FNBP1L: variants seen among roughly 807,000 people sequenced by gnomAD.
FNBP1L encodes the protein formin-binding protein 1-like.
A neutral mutation model predicts 91.2 loss-of-function variants in FNBP1L; 36 were observed. The ratio of observed to expected loss-of-function variants is 0.39; its 90% CI spans 0.30 to 0.52. FNBP1L has a LOEUF of 0.52. FNBP1L is among the 20% of genes least tolerant of loss of function. FNBP1L has a pLI of 0.66. For synonymous variants in FNBP1L, 242 were observed against 237.0 expected (o/e 1.02, Z -0.19); for missense variants, 571 against 732.1 (o/e 0.78, Z 2.54).
intron 5 of FNBP1L, among the ~76,000 whole-genome samples, chr1:93,526,647 G>C (rs1671504321): frequency 6.6e-6 from 1 of 152,142 alleles, no homozygotes. Context: ...GGCAGGCTCT[G>C]CTAAGCAAGA....
chr1:93,452,781 T>G (rs764553118), intron 1 of FNBP1L, among the ~76,000 whole-genome samples: 3 of 152,186 alleles, frequency 2.0e-5, no homozygotes, highest in African/African-American at 7.2e-5. Context: ...AAATTCATTA[T>G]TAATGTAAAC....
rs536400352 is a variant in FNBP1L at position 93,467,578 on chromosome 1, C to T, written c.24+19273C>T. Among the ~76,000 whole-genome samples, 121 of 152,200 alleles carry T rather than the reference C, an allele frequency of 8.0e-4. 1 individual carries two copies. The highest frequency in any genetic ancestry group is 1.1e-3 in the Non-Finnish European group (77 of 68,012). On this transcript the variant is annotated intron_variant, in intron 1 of 16. Transcript: ENST00000271234. ...ATGGTTGGTGGTGATGGTTGTACAA[C>T]AGTATGAATGTATCCCAGGACCACT...
At chr1:93,499,888 CCTCT>C (rs1670388593) in intron 2 of FNBP1L, among the ~76,000 whole-genome samples, 1 of 152,094 alleles carries the variant, frequency 6.6e-6, no homozygotes, top group African/African-American at 2.4e-5. Context: ...TACTTTTATT[CCTCT>C]CTAACTTTTT....
chr1:93,462,733 CTG>C (rs1668915713), intron 1 of FNBP1L, among the ~76,000 whole-genome samples: 1 of 152,070 alleles, frequency 6.6e-6, no homozygotes, highest in African/African-American at 2.4e-5. Context: ...TCAAGGGTGT[CTG>C]TTATCCACAG....
intron 11 of FNBP1L, 132 bp from the exon 12 acceptor site, chr1:93,543,975 T>TCCAAATCA: frequency 2.0e-6 from 1 of 507,352 alleles, no homozygotes; most frequent in East Asian, 3.4e-5. Context: ...TTCTTTTTTT[T>TCCAAATCA]TTAAGGGGTT....
In FNBP1L at chr1:93,448,180, C is replaced by A. The variant is rs1668332314; in HGVS notation, c.-102C>A. 6 of 1,454,998 alleles carry A rather than the reference C, an allele frequency of 4.1e-6. No individual in the cohort carries two copies. The highest frequency in any genetic ancestry group is 5.6e-6 in the Non-Finnish European group (6 of 1,080,890). 90.1% of individuals were successfully genotyped at this position (1,454,998 alleles called of 1,614,324 possible). A position where few individuals can be genotyped will look rare whatever the true frequency, so the allele number is the denominator to read the frequency against. ...GGCGGCACCTTTCGAGGTAGACCCG[C>A]TGAGCTGCTAGCCCGCCGGCCAGCG... On this transcript the variant is annotated 5_prime_UTR_variant, in exon 1 of 17. It adds an upstream start codon to the 5' untranslated region. Coordinates refer to ENST00000271234, the MANE Select transcript of FNBP1L (RefSeq NM_001164473.3).
intron 1 of FNBP1L, among the ~76,000 whole-genome samples, chr1:93,466,954 T>G (rs140580309): frequency 6.6e-6 from 1 of 152,264 alleles, no homozygotes; most frequent in East Asian, 1.9e-4. Flanking sequence ...CCTCCCAGAT[T>G]CAAGCTATTC....
At chr1:93,511,707 C>T (rs1342916734) in intron 2 of FNBP1L, among the ~76,000 whole-genome samples, 1 of 152,154 alleles carries the variant, frequency 6.6e-6, no homozygotes, top group Non-Finnish European at 1.5e-5. Flanking sequence ...TGGCTCACGC[C>T]TGTAATCCCA....
intron 11 of FNBP1L, among the ~76,000 whole-genome samples, chr1:93,542,443 G>GAAAAAAAAAAAA (rs61650755): frequency 1.2e-5 from 1 of 82,558 alleles, no homozygotes; most frequent in African/African-American, 4.6e-5. Flanking sequence ...ATTGGTAAAT[G>GAAAAAAAAAAAA]AAAAAAAAAA....
intron 2 of FNBP1L, among the ~76,000 whole-genome samples, chr1:93,518,369 A>C (rs1332988029): frequency 6.6e-6 from 1 of 152,198 alleles, no homozygotes; most frequent in Non-Finnish European, 1.5e-5. Flanking sequence ...CCACATCTGT[A>C]TACAAAACAA....
intron 2 of FNBP1L, among the ~76,000 whole-genome samples, chr1:93,503,037 A>G (rs1670488860): frequency 1.3e-5 from 2 of 152,258 alleles, no homozygotes; most frequent in Non-Finnish European, 2.9e-5. Flanking sequence ...GCTAGTGCAG[A>G]GGATAATTTC....
chr1:93,474,011 G>A (rs957697109), intron 1 of FNBP1L, among the ~76,000 whole-genome samples: 6 of 152,272 alleles, frequency 3.9e-5, no homozygotes, highest in Non-Finnish European at 5.9e-5. Flanking sequence ...TTGGGAGGCC[G>A]AGGCTGGTGG....
At position 93,549,393 on chromosome 1, in the gene FNBP1L, A is replaced by C. The variant is rs1390734786; in HGVS notation, c.1618A>C (p.Ile540Leu). The change falls in exon 15 of 17, where the codon ATT becomes CTT. Residue 540 changes from isoleucine (I) to leucine (L), a missense_variant. This residue lies in a region of FNBP1L where 189 missense variants were observed against 219.7 expected (regional missense o/e 0.86). Transcript: ENST00000271234. ...TGAGGATGATGATCCCTTGCCTGCT[A>C]TTGGACACTGCAAAGCTATCTACCC... is the stretch of plus-strand genomic sequence containing the variant. ...EFEDDDPLPA[I>L]GHCKAIYPFD... The C allele has an allele frequency of 6.2e-7, 1 of 1,609,754 alleles. No homozygotes were observed. The highest frequency in any genetic ancestry group is 1.1e-5 in the South Asian group (1 of 90,112).
chr1:93,471,214 A>G (rs979816465), intron 1 of FNBP1L, among the ~76,000 whole-genome samples: 3 of 152,218 alleles, frequency 2.0e-5, no homozygotes, highest in African/African-American at 7.2e-5. Context: ...CTAATCAGAA[A>G]TGTTCATTGG....
chr1:93,488,263 G>T (rs2101714741), intron 1 of FNBP1L: 1 of 152,030 alleles, frequency 6.6e-6, no homozygotes, highest in South Asian at 2.1e-4. Flanking sequence ...TGAGTTCGGG[G>T]TGTGTGTGTG....
chr1:93,510,541 A>C (rs534427187), intron 2 of FNBP1L, among the ~76,000 whole-genome samples: 602 of 152,326 alleles, frequency 4.0e-3, no homozygotes, highest in Non-Finnish European at 6.5e-3. Flanking sequence ...AACTCTAAAA[A>C]GCAGAGCGCC....
Position 93,459,941 on chromosome 1 carries a change from A to ATGTGTGTGTGTGTGTGTGTG in FNBP1L, c.24+11654_24+11673dup, listed in dbSNP as rs34705153. Reference sequence around the variant, plus strand: ...AGACCAGAAGTGTTTTGGATTTCAGATGTGTGTGTGTGTGTGTGTGTGTGT... The same window carrying ATGTGTGTGTGTGTGTGTGTG: ...AGACCAGAAGTGTTTTGGATTTCAGATGTGTGTGTGTGTGTGTGTGTGTGTGTGTGTGTGTGTGTGTGTGT... On this transcript the variant is annotated intron_variant, in intron 1 of 16. Transcript: ENST00000271234. 1.4e-3 allele frequency among the ~76,000 whole-genome samples: 200 copies of ATGTGTGTGTGTGTGTGTGTG among 142,274 alleles called. 1 individual carries two copies. Among genetic ancestry groups the ATGTGTGTGTGTGTGTGTGTG allele is most frequent in the Middle Eastern group, 3.6e-3 (1 of 276 alleles). The allele number at this position is 142,274 out of a possible 152,430, so 93.3% of individuals were successfully genotyped here. A position where few individuals can be genotyped will look rare whatever the true frequency, so the allele number is the denominator to read the frequency against.
chr1:93,520,764 G>C (rs1671293667), intron 2 of FNBP1L, among the ~76,000 whole-genome samples: 1 of 152,094 alleles, frequency 6.6e-6, no homozygotes, highest in African/African-American at 2.4e-5. Flanking sequence ...TAAAAGCCAG[G>C]ATTCAGGTTG....
intron 2 of FNBP1L, among the ~76,000 whole-genome samples, chr1:93,509,757 C>T (rs948443663): frequency 6.6e-6 from 1 of 152,226 alleles, no homozygotes; most frequent in Non-Finnish European, 1.5e-5. Context: ...GGTGCACGCA[C>T]CGTGCACGAG....
Sources: gnomAD v4.1 joint callset for allele counts (sites outside exome capture counted in the v4.1 genomes callset) on GRCh38, gnomAD v4.1.1 for gene constraint, gnomAD v4.1.1 regional missense constraint, MANE v1.5 for transcripts, NCBI Gene and HGNC (gene_info 2026-07-23, HGNC 2026-07-21) for gene names.